FHIP2A: variants seen among roughly 807,000 people sequenced by gnomAD.
FHIP2A encodes the protein family with sequence similarity 160 member B1.
Under a neutral mutation model 93.5 loss-of-function variants are expected in FHIP2A, and 46 were observed. The ratio of observed to expected loss-of-function variants is 0.49; its 90% confidence interval spans 0.39 to 0.63. FHIP2A has a LOEUF of 0.63. FHIP2A is among the 20% of genes least tolerant of loss of function. The pLI is 0.00. For missense variants in FHIP2A, 769 were observed against 909.7 expected (o/e 0.85, Z 1.99); for synonymous variants, 332 against 326.5 (o/e 1.02, Z -0.18).
intron 12 of FHIP2A, among the ~76,000 whole-genome samples, chr10:114,848,216 A>T (rs1259365380): frequency 6.6e-6 from 1 of 152,160 alleles, no homozygotes; most frequent in African/African-American, 2.4e-5. Context: ...GAAAAATTGC[A>T]TGTGGCTCAA....
rs748327238 is a variant in FHIP2A, at chr10:114,861,302, G to A, written c.2160G>A (p.Lys720=). The A allele has an allele frequency of 6.2e-7, 1 of 1,614,208 alleles. No individual in the cohort carries two copies. The highest frequency in any genetic ancestry group is 8.5e-7 in the Non-Finnish European group (1 of 1,180,024). The stretch of plus-strand genomic sequence containing the variant: ...CTCCCAAGCTTCTGTTAGTCAGAAA[G>A]CGGTTACTTGGTTTGGAACCTGAAG... ...DFTPKLLLVR[K]RLLGLEPEGP... The change falls in exon 16 of 17, where the codon AAG becomes AAA. Residue 720 remains lysine (K), a synonymous_variant. Coordinates refer to ENST00000369248, the MANE Select transcript of FHIP2A (RefSeq NM_020940.4).
At chr10:114,826,259 T>C (rs959419866) in intron 1 of FHIP2A, among the ~76,000 whole-genome samples, 5 of 152,180 alleles carry the variant, frequency 3.3e-5, no homozygotes, top group Admixed American at 6.5e-5. Context: ...AAAACAAATA[T>C]ACAAGTTAGA....
At chr10:114,888,913 C>A (rs2083956510) in intron 16 of FHIP2A, among the ~76,000 whole-genome samples, 1 of 152,096 alleles carries the variant, frequency 6.6e-6, no homozygotes. Context: ...AAAGGTGGAA[C>A]TTTTGAGGTT....
Position 114,862,629 on chromosome 10 carries a change from G to A in FHIP2A, c.*1089G>A. ...AAATTGGGTATGTATGTGAATGGGT[G>A]TACATGTAGGAACCTGTAGTTCAGC... On this transcript the variant is annotated 3_prime_UTR_variant, in exon 17 of 17. Transcript: ENST00000369248. The A allele has an allele frequency of 2.0e-6, 2 of 985,716 alleles. No homozygotes were observed. The highest frequency in any genetic ancestry group is 2.4e-6 in the Non-Finnish European group (2 of 830,036). The allele number at this position is 985,716 out of a possible 1,614,324, so 61.1% of individuals were successfully genotyped here.
chr10:114,830,861 T>C lies in FHIP2A; in HGVS notation c.55T>C (p.Ser19Pro). Residue 19 changes from serine to proline, a missense_variant, in exon 2 of 17, where the codon TCT becomes CCT. Transcript: ENST00000369248. ...LQHAVEALAP[S>P]LPLQEDFVYH... is the part of the protein sequence containing the mutation. ...TCTTTTGTTTGTGTAGCTTGCACCTTCTCTTCCTTTACAAGAAGATTTTGT... is the reference window on the plus strand; with the variant it reads ...TCTTTTGTTTGTGTAGCTTGCACCTCCTCTTCCTTTACAAGAAGATTTTGT... 1.2e-6 allele frequency: 2 copies of C among 1,607,724 alleles called. No homozygotes were observed. Among genetic ancestry groups the C allele is most frequent in the Non-Finnish European group, 1.7e-6 (2 of 1,176,718 alleles).
At chr10:114,838,723 T>C (rs893730536) in intron 5 of FHIP2A, among the ~76,000 whole-genome samples, 2 of 152,210 alleles carry the variant, frequency 1.3e-5, no homozygotes, top group Non-Finnish European at 2.9e-5. Context: ...ACGAAATATG[T>C]AGGCTTATGT....
chr10:114,846,817 A>C, intron 11 of FHIP2A, 89 bp downstream of exon 11: 1 of 1,211,156 alleles, frequency 8.3e-7, no homozygotes, highest in Non-Finnish European at 1.1e-6. Flanking sequence ...TATCCTCAAA[A>C]GAAATACCTC....
At chr10:114,883,645 G>C (rs547910350) in intron 16 of FHIP2A, among the ~76,000 whole-genome samples, 1 of 152,094 alleles carries the variant, frequency 6.6e-6, no homozygotes, top group Non-Finnish European at 1.5e-5. Flanking sequence ...GCAATGGCAC[G>C]ATCTCAGCTC....
In FHIP2A at chr10:114,863,907, T is replaced by C. The variant is rs1166581842; in HGVS notation, c.*2367T>C. On this transcript the variant is annotated 3_prime_UTR_variant, in exon 17 of 17. Coordinates refer to ENST00000369248, the MANE Select transcript of FHIP2A (RefSeq NM_020940.4). ...TAAATATGCACATTTTTTAAAACTT[T>C]CTAACAATATAGTCTTTGGATTTGT... 2 of 1,087,856 alleles carry C rather than the reference T, an allele frequency of 1.8e-6. No individual in the cohort carries two copies. Among genetic ancestry groups the C allele is most frequent in the East Asian group, 1.8e-4 (2 of 11,346 alleles). The allele number at this position is 1,087,856 out of a possible 1,614,324, so 67.4% of individuals were successfully genotyped here. A position where few individuals can be genotyped will look rare whatever the true frequency, so the allele number is the denominator to read the frequency against.
At chr10:114,878,407 T>C (rs35453961) in intron 16 of FHIP2A, among the ~76,000 whole-genome samples, 62,398 of 152,024 alleles carry the variant, frequency 0.41, 12,951 homozygotes, top group South Asian at 0.48. Context: ...GGGGGCAAAG[T>C]CACTCATAGA....
chr10:114,873,057 G>T (rs2083867181), intron 16 of FHIP2A, among the ~76,000 whole-genome samples: 1 of 152,230 alleles, frequency 6.6e-6, no homozygotes, highest in African/African-American at 2.4e-5. Flanking sequence ...TCTAAAGCTG[G>T]AGGATTCAAA....
chr10:114,871,127 TTATATA>T (rs1555246784), intron 16 of FHIP2A, among the ~76,000 whole-genome samples: 1 of 148,204 alleles, frequency 6.7e-6, no homozygotes, highest in South Asian at 2.1e-4. Context: ...TATATATATA[TTATATA>T]TATATACACA....
chr10:114,899,730 C>T (rs12253405), exon 17 of FHIP2A: 34,803 of 453,554 alleles, frequency 0.077, 4,035 homozygotes, highest in African/African-American at 0.37. Context: ...AGAGTGTTTC[C>T]CCAAAGAAAA....
chr10:114,864,370 C>G lies in FHIP2A; in HGVS notation c.*2830C>G. 4.1e-6 allele frequency: 4 copies of G among 985,622 alleles called. No homozygotes were observed. Among genetic ancestry groups the G allele is most frequent in the Non-Finnish European group, 4.8e-6 (4 of 829,736 alleles). The allele number at this position is 985,622 out of a possible 1,614,324, so 61.1% of individuals were successfully genotyped here. On this transcript the variant is annotated 3_prime_UTR_variant, in exon 17 of 17. Transcript: ENST00000369248. ...TTATATTTTGGGTTATGTAGTAAAT[C>G]AAATATGCATGTCATTGTGACACTT...
chr10:114,856,258 T>G (rs1032760544), intron 14 of FHIP2A, among the ~76,000 whole-genome samples: 7 of 152,222 alleles, frequency 4.6e-5, no homozygotes, highest in Non-Finnish European at 1.0e-4. Flanking sequence ...TCAGCGTTGT[T>G]TCTGACGGTA....
downstream of FHIP2A, among the ~76,000 whole-genome samples, chr10:114,868,632 A>T (rs2083842462): frequency 6.6e-6 from 1 of 152,148 alleles, no homozygotes; most frequent in South Asian, 2.1e-4. Context: ...ACAACCTTAC[A>T]TGAAGGTAAA....
At chr10:114,878,512 C>T (rs1002593913) in intron 16 of FHIP2A, among the ~76,000 whole-genome samples, 2 of 152,164 alleles carry the variant, frequency 1.3e-5, no homozygotes, top group African/African-American at 4.8e-5. Flanking sequence ...GGCGCAGTGG[C>T]TCACTCCTGT....
At chr10:114,855,438 GT>G in intron 14 of FHIP2A, 98 bp downstream of exon 14, 1 of 1,073,410 alleles carries the variant, frequency 9.3e-7, no homozygotes, top group South Asian at 1.9e-5. Flanking sequence ...TACTTTTATT[GT>G]TTTCTTACTT....
chr10:114,862,830 G>A lies in FHIP2A; in HGVS notation c.*1290G>A, dbSNP rs2083808289. 1 of 985,384 alleles carries A rather than the reference G, an allele frequency of 1.0e-6. No homozygotes were observed. 61.0% of individuals were successfully genotyped at this position (985,384 alleles called of 1,614,324 possible). A position where few individuals can be genotyped will look rare whatever the true frequency, so the allele number is the denominator to read the frequency against. ...TTTCTTCTTCATCTTTCCATTTACT[G>A]ATATTTGGGGGAACAGGCTATCAAA... On this transcript the variant is annotated 3_prime_UTR_variant, in exon 17 of 17. Transcript: ENST00000369248.
Sources: allele counts gnomAD v4.1 joint callset (sites outside exome capture counted in the v4.1 genomes callset), GRCh38; gene constraint gnomAD v4.1.1; transcripts MANE v1.5; gene names NCBI Gene and HGNC (gene_info 2026-07-23, HGNC 2026-07-21).